FAM107B: variants seen among roughly 807,000 people sequenced by gnomAD.
FAM107B encodes the protein family with sequence similarity 107 member B.
FAM107B carries 21 observed loss-of-function variants against 31.5 expected under a neutral mutation model. The observed-to-expected ratio is 0.67, with a 90% CI of 0.47 to 0.96. The LOEUF (loss-of-function observed/expected upper bound fraction) is 0.96, where lower values mean the gene tolerates loss of function less well. FAM107B is among the 40% of genes least tolerant of loss of function. FAM107B has a pLI of 0.00. For missense variants in FAM107B, 452 were observed against 377.1 expected (o/e 1.20, Z -1.64); for synonymous variants, 157 against 141.5 (o/e 1.11, Z -0.78).
chr10:14,602,654 C>T (rs907463193), intron 2 of FAM107B: 1 of 152,172 alleles, frequency 6.6e-6, no homozygotes, highest in Non-Finnish European at 1.5e-5. Flanking sequence ...AATCTCAGAA[C>T]ACAATGTTAC....
chr10:14,566,913 A>C, intron 2 of FAM107B, among the ~76,000 whole-genome samples: 1 of 152,230 alleles, frequency 6.6e-6, no homozygotes, highest in East Asian at 1.9e-4. Flanking sequence ...GCACTTTGGG[A>C]GGCCGAGGCG....
chr10:14,545,695 T>C (rs574514552), intron 2 of FAM107B, among the ~76,000 whole-genome samples: 2 of 152,366 alleles, frequency 1.3e-5, no homozygotes, highest in South Asian at 2.1e-4. Flanking sequence ...GGTTTTTGCA[T>C]GATTTCAAAA....
intron 2 of FAM107B, among the ~76,000 whole-genome samples, chr10:14,631,261 T>C (rs1564607748): frequency 6.6e-6 from 1 of 152,164 alleles, no homozygotes; most frequent in Non-Finnish European, 1.5e-5. Context: ...CCCTTCCTAG[T>C]TTACTCCTCC....
At chr10:14,609,887 C>T (rs1852684253) in intron 2 of FAM107B, among the ~76,000 whole-genome samples, 1 of 152,140 alleles carries the variant, frequency 6.6e-6, no homozygotes, top group Non-Finnish European at 1.5e-5. Flanking sequence ...GGAGAGGTAT[C>T]ACATGCAGAG....
chr10:14,584,073 A>G (rs17155523), intron 2 of FAM107B, among the ~76,000 whole-genome samples: 1 of 152,154 alleles, frequency 6.6e-6, no homozygotes, highest in Non-Finnish European at 1.5e-5. Flanking sequence ...ATGCTGAGAC[A>G]TACTGGGTCC....
At chr10:14,717,359 C>T (rs1228950898) in intron 1 of FAM107B, among the ~76,000 whole-genome samples, 1 of 152,070 alleles carries the variant, frequency 6.6e-6, no homozygotes, top group African/African-American at 2.4e-5. Flanking sequence ...CACAGGATTG[C>T]AAGGTGAGGT....
intron 2 of FAM107B, among the ~76,000 whole-genome samples, chr10:14,631,717 G>A (rs1286830360): frequency 1.3e-5 from 2 of 151,934 alleles, no homozygotes; most frequent in African/African-American, 4.8e-5. Context: ...CATCAGCCCC[G>A]ATTCTGCCCT....
intron 2 of FAM107B, among the ~76,000 whole-genome samples, chr10:14,584,756 A>T (rs1475380978): frequency 6.6e-6 from 1 of 152,280 alleles, no homozygotes; most frequent in East Asian, 1.9e-4. Context: ...CCTATGTAAC[A>T]AAAGGACCGG....
At chr10:14,722,782 A>T (rs1212231464) in intron 1 of FAM107B, among the ~76,000 whole-genome samples, 1 of 152,110 alleles carries the variant, frequency 6.6e-6, no homozygotes. Context: ...TAATTTCTTG[A>T]TGGAGCCTTT....
intron 2 of FAM107B, among the ~76,000 whole-genome samples, chr10:14,543,488 C>T (rs549419463): frequency 2.0e-5 from 3 of 152,006 alleles, no homozygotes; most frequent in East Asian, 3.9e-4. Context: ...GACTCAGGAG[C>T]AGTGCAGGAG....
chr10:14,614,245 C>A (rs371318035), intron 2 of FAM107B, among the ~76,000 whole-genome samples: 6 of 152,120 alleles, frequency 3.9e-5, no homozygotes, highest in African/African-American at 1.2e-4. Flanking sequence ...GCTCTGAGCA[C>A]GATCAGAAGC....
intron 1 of FAM107B, among the ~76,000 whole-genome samples, chr10:14,739,759 A>G (rs899983001): frequency 1.3e-5 from 2 of 152,196 alleles, no homozygotes; most frequent in African/African-American, 2.4e-5. Context: ...CTGAACTTGG[A>G]GTTGTGGGCA....
chr10:14,665,323 C>T (rs1854377331), intron 2 of FAM107B, among the ~76,000 whole-genome samples: 1 of 152,180 alleles, frequency 6.6e-6, no homozygotes, highest in Non-Finnish European at 1.5e-5. Context: ...GCCTAAGGAG[C>T]TGGGAACCCT....
chr10:14,677,755 G>A (rs1854725950), intron 1 of FAM107B, among the ~76,000 whole-genome samples: 1 of 152,226 alleles, frequency 6.6e-6, no homozygotes, highest in Admixed American at 6.5e-5. Flanking sequence ...CCAGGACGCA[G>A]GACTTTCAGA....
chr10:14,616,369 A>G (rs1406250572), intron 2 of FAM107B, among the ~76,000 whole-genome samples: 1 of 152,238 alleles, frequency 6.6e-6, no homozygotes, highest in Non-Finnish European at 1.5e-5. Flanking sequence ...TGAGATTTCC[A>G]TAATTCTCAC....
chr10:14,759,869 G>A (rs1409803937), intron 1 of FAM107B, among the ~76,000 whole-genome samples: 2 of 152,094 alleles, frequency 1.3e-5, no homozygotes, highest in East Asian at 1.9e-4. Context: ...CCACCAGCAT[G>A]TCCGGCTAAC....
At chr10:14,718,556 G>A (rs1361192373) in intron 1 of FAM107B, among the ~76,000 whole-genome samples, 2 of 151,924 alleles carry the variant, frequency 1.3e-5, no homozygotes, top group African/African-American at 4.8e-5. Flanking sequence ...AGGAAGGAAG[G>A]AAGGAAGGAA....
chr10:14,753,876 G>C (rs1273697083), intron 1 of FAM107B, among the ~76,000 whole-genome samples: 3 of 147,652 alleles, frequency 2.0e-5, no homozygotes, highest in African/African-American at 7.4e-5. Context: ...AAATACTATG[G>C]CTAAAAAAAA....
chr10:14,679,849 G>C (rs1406438428), intron 1 of FAM107B, among the ~76,000 whole-genome samples: 1 of 152,178 alleles, frequency 6.6e-6, no homozygotes, highest in Admixed American at 6.5e-5. Context: ...GCAGAGGAAC[G>C]AGGAAAGACT....
Sources: allele counts gnomAD v4.1 joint callset (sites outside exome capture counted in the v4.1 genomes callset), GRCh38; gene constraint gnomAD v4.1.1; transcripts MANE v1.5; gene names NCBI Gene and HGNC (gene_info 2026-07-23, HGNC 2026-07-21).